The following GRM1 variants were observed in gnomAD, a reference collection of about 807,000 sequenced individuals.
The protein encoded by GRM1 is glutamate metabotropic receptor 1.
Under a neutral mutation model 90.9 loss-of-function variants are expected in GRM1, and 33 were observed. The observed-to-expected ratio is 0.36, with a 90% CI of 0.28 to 0.49. The LOEUF is 0.49. GRM1 is among the 20% of genes least tolerant of loss of function. GRM1 has a pLI of 0.99. For missense variants in GRM1, 1,190 were observed against 1,534.3 expected, an observed-to-expected ratio of 0.78 and a Z score of 3.75; for synonymous variants, 700 against 613.2, an observed-to-expected ratio of 1.14 and a Z score of -2.09.
At chr6:146,313,738 C>CA (rs71719677) in intron 3 of GRM1, among the ~76,000 whole-genome samples, 2 of 151,714 alleles carry the variant, frequency 1.3e-5, no homozygotes, top group African/African-American at 4.8e-5. Flanking sequence ...TAAAGTGCAC[C>CA]AAAAAAATTG....
chr6:146,199,239 A>C (rs550438739), intron 2 of GRM1, among the ~76,000 whole-genome samples: 1 of 152,278 alleles, frequency 6.6e-6, no homozygotes, highest in South Asian at 2.1e-4. Context: ...TATCCAGCAT[A>C]GCATGCCCAC....
intron 2 of GRM1, among the ~76,000 whole-genome samples, chr6:146,175,240 A>G (rs1320472230): frequency 1.3e-5 from 2 of 152,218 alleles, no homozygotes; most frequent in African/African-American, 4.8e-5. Context: ...CTGATTAAAT[A>G]TGCTTGGCTG....
chr6:146,241,736 T>C (rs1428436203), intron 2 of GRM1, among the ~76,000 whole-genome samples: 3 of 152,200 alleles, frequency 2.0e-5, no homozygotes, highest in African/African-American at 7.2e-5. Context: ...GTTATATTTC[T>C]GTAAGAGCCC....
At chr6:146,284,688 G>T (rs1339757351) in intron 2 of GRM1, among the ~76,000 whole-genome samples, 6 of 152,176 alleles carry the variant, frequency 3.9e-5, no homozygotes, top group Non-Finnish European at 8.8e-5. Context: ...TCCCCCATGT[G>T]CTCTCTGTCT....
chr6:146,389,257 TAGAAGTC>T (rs1244069982), intron 6 of GRM1, among the ~76,000 whole-genome samples: 1 of 152,074 alleles, frequency 6.6e-6, no homozygotes, highest in African/African-American at 2.4e-5. Context: ...AGGTTAATCT[TAGAAGTC>T]AGAAGTCTTG....
chr6:146,244,814 G>T (rs1162688941), intron 2 of GRM1, among the ~76,000 whole-genome samples: 1 of 152,118 alleles, frequency 6.6e-6, no homozygotes, highest in African/African-American at 2.4e-5. Flanking sequence ...TATTTACTCA[G>T]TTTGGGAAAT....
chr6:146,344,246 A>G (rs1785092071), intron 3 of GRM1, among the ~76,000 whole-genome samples: 1 of 152,136 alleles, frequency 6.6e-6, no homozygotes, highest in African/African-American at 2.4e-5. Flanking sequence ...AGCTATTTGA[A>G]AATTATTAAC....
intron 1 of GRM1, among the ~76,000 whole-genome samples, chr6:146,041,386 G>A (rs1419556231): frequency 6.6e-6 from 1 of 151,968 alleles, no homozygotes; most frequent in African/African-American, 2.4e-5. Context: ...GGTGTGGTCT[G>A]TCTAGTGATG....
At chr6:146,364,106 C>T (rs1248149214) in intron 5 of GRM1, among the ~76,000 whole-genome samples, 1 of 152,188 alleles carries the variant, frequency 6.6e-6, no homozygotes, top group Non-Finnish European at 1.5e-5. Flanking sequence ...GCTGGGTTGA[C>T]GATTTTATAC....
intron 3 of GRM1, among the ~76,000 whole-genome samples, chr6:146,346,151 T>C (rs1238543761): frequency 1.3e-5 from 2 of 152,250 alleles, no homozygotes; most frequent in African/African-American, 2.4e-5. Context: ...ATCAGCTAAA[T>C]GCAATTGTAT....
At chr6:146,400,578 T>C (rs362941) in intron 7 of GRM1, among the ~76,000 whole-genome samples, 2,194 of 152,274 alleles carry the variant, frequency 0.014, 28 homozygotes, top group Middle Eastern at 0.027. Context: ...CTTTTTCTAT[T>C]TTGAGAAGAA....
intron 2 of GRM1, among the ~76,000 whole-genome samples, chr6:146,287,332 C>G (rs1334511130): frequency 2.0e-5 from 3 of 152,104 alleles, no homozygotes; most frequent in African/African-American, 7.2e-5. Context: ...TTCTCTGGGA[C>G]CTTTTACTTT....
chr6:146,272,670 T>G (rs1782210850), intron 2 of GRM1, among the ~76,000 whole-genome samples: 1 of 152,162 alleles, frequency 6.6e-6, no homozygotes, highest in South Asian at 2.1e-4. Flanking sequence ...TCATTTAGCT[T>G]GATTGTTGGA....
chr6:146,395,663 A>G (rs1467327666), intron 6 of GRM1, among the ~76,000 whole-genome samples: 1 of 152,192 alleles, frequency 6.6e-6, no homozygotes, highest in African/African-American at 2.4e-5. Flanking sequence ...GAAGTTTAGG[A>G]AAATTATTAA....
At chr6:146,342,676 G>A (rs946582824) in intron 3 of GRM1, among the ~76,000 whole-genome samples, 6 of 152,180 alleles carry the variant, frequency 3.9e-5, no homozygotes, top group Non-Finnish European at 8.8e-5. Context: ...AACAGCACAT[G>A]TAAAGCACCT....
At chr6:146,308,048 G>T (rs191327631) in intron 3 of GRM1, among the ~76,000 whole-genome samples, 1 of 152,200 alleles carries the variant, frequency 6.6e-6, no homozygotes, top group Admixed American at 6.5e-5. Context: ...GGAAAGAGCT[G>T]TAAAGCAAAT....
chr6:146,312,338 G>A (rs1783802261), intron 3 of GRM1, among the ~76,000 whole-genome samples: 1 of 50,502 alleles, frequency 2.0e-5, no homozygotes. Context: ...CTGGGTGAAA[G>A]AACTCCGTCT....
intron 1 of GRM1, among the ~76,000 whole-genome samples, chr6:146,057,474 A>T (rs1179292235): frequency 6.6e-6 from 1 of 152,128 alleles, no homozygotes; most frequent in Non-Finnish European, 1.5e-5. Context: ...ATGCTACATT[A>T]AAAAATGTGA....
chr6:146,425,925 A>G (rs1013232944), intron 7 of GRM1, among the ~76,000 whole-genome samples: 1 of 152,222 alleles, frequency 6.6e-6, no homozygotes, highest in African/African-American at 2.4e-5. Flanking sequence ...AAAGGGGCAC[A>G]GAAGCCAGAC....
Sources: allele counts gnomAD v4.1 joint callset (sites outside exome capture counted in the v4.1 genomes callset), GRCh38; gene constraint gnomAD v4.1.1; transcripts MANE v1.5; gene names NCBI Gene and HGNC (gene_info 2026-07-23, HGNC 2026-07-21).